Variants in BMPR2 observed in about 807,000 individuals in gnomAD.
BMPR2 encodes bone morphogenetic protein receptor type-2.
In BMPR2, 29 loss-of-function variants were observed where a neutral mutation model predicts 100.8. The ratio of observed to expected loss-of-function variants is 0.29; its 90% CI spans 0.21 to 0.39. BMPR2 has a LOEUF of 0.39. Ranked by LOEUF, BMPR2 falls within the 10% of genes least tolerant of loss-of-function variation. The pLI, the probability that BMPR2 is intolerant of heterozygous loss-of-function variation, is 1.00. For synonymous variants in BMPR2, 382 were observed against 442.3 expected (o/e 0.86, Z 1.71); for missense variants, 1,011 against 1,274.5 (o/e 0.79, Z 3.15).
intron 1 of BMPR2, among the ~76,000 whole-genome samples, chr2:202,457,569 G>T (rs776360403): frequency 0.03 from 3,570 of 118,574 alleles, 62 homozygotes; most frequent in Non-Finnish European, 0.043. Flanking sequence ...TATAGAGAGA[G>T]AGAGAGAGAG....
chr2:202,456,110 A>G (rs1351063439), intron 1 of BMPR2, among the ~76,000 whole-genome samples: 3 of 137,170 alleles, frequency 2.2e-5, no homozygotes, highest in African/African-American at 8.0e-5. Context: ...AAAGTTAAGT[A>G]GTATTGCTAA....
chr2:202,388,820 G>A (rs1690488240), intron 1 of BMPR2, among the ~76,000 whole-genome samples: 1 of 151,158 alleles, frequency 6.6e-6, no homozygotes, highest in African/African-American at 2.4e-5. Flanking sequence ...TTTAGTCTTA[G>A]GTTTTTACTG....
At chr2:202,543,202 A>G (rs1465663284) in intron 10 of BMPR2, among the ~76,000 whole-genome samples, 1 of 146,960 alleles carries the variant, frequency 6.8e-6, no homozygotes, top group East Asian at 1.9e-4. Flanking sequence ...ATATATATAT[A>G]TATTTATATA....
intron 12 of BMPR2, among the ~76,000 whole-genome samples, chr2:202,558,439 TG>T (rs951889020): frequency 6.6e-6 from 1 of 152,086 alleles, no homozygotes; most frequent in African/African-American, 2.4e-5. Context: ...AAGGCATTTA[TG>T]AAAAAAAGTT....
In BMPR2 at chr2:202,552,702, ACTTTGT is replaced by A; in HGVS notation, c.1414-10_1414-5del. ...TTTAAAGACACATGGTTTGACATGTACTTTGTCTTACAGGCAGTGAGGTCACTCAAG... is the reference window on the plus strand; with the variant it reads ...TTTAAAGACACATGGTTTGACATGTACTTACAGGCAGTGAGGTCACTCAAG... On this transcript the variant is annotated splice_region_variant and splice_polypyrimidine_tract_variant and intron_variant, in intron 10 of 12. Transcript: ENST00000374580. 6.2e-7 allele frequency: 1 copy of A among 1,613,920 alleles called. No homozygotes were observed. The highest frequency in any genetic ancestry group is 8.5e-7 in the Non-Finnish European group (1 of 1,179,848).
intron 1 of BMPR2, among the ~76,000 whole-genome samples, chr2:202,387,321 A>G (rs1690449264): frequency 6.6e-6 from 1 of 152,228 alleles, no homozygotes; most frequent in South Asian, 2.1e-4. Flanking sequence ...ACTAATACTA[A>G]GGGCCTTACA....
intron 9 of BMPR2, among the ~76,000 whole-genome samples, chr2:202,539,365 G>T (rs1232089969): frequency 6.6e-6 from 1 of 152,064 alleles, no homozygotes; most frequent in African/African-American, 2.4e-5. Context: ...GTTACAGAGT[G>T]TATATAGGAG....
intron 3 of BMPR2, among the ~76,000 whole-genome samples, chr2:202,491,791 T>C (rs1692907646): frequency 6.6e-6 from 1 of 152,220 alleles, no homozygotes; most frequent in African/African-American, 2.4e-5. Context: ...ATGTACAGCC[T>C]ATTTGTCTGC....
At chr2:202,449,670 C>T (rs1037499626) in intron 1 of BMPR2, among the ~76,000 whole-genome samples, 1 of 152,176 alleles carries the variant, frequency 6.6e-6, no homozygotes, top group African/African-American at 2.4e-5. Context: ...TGTCACAATT[C>T]ACTGCTAGAG....
intron 6 of BMPR2, among the ~76,000 whole-genome samples, chr2:202,519,440 G>A (rs1354569577): frequency 6.6e-5 from 10 of 152,232 alleles, no homozygotes; most frequent in Non-Finnish European, 8.8e-5. Flanking sequence ...ATTACAGATA[G>A]AGCATTGCTG....
chr2:202,522,506 CAA>C (rs770945860), intron 7 of BMPR2, among the ~76,000 whole-genome samples: 19 of 107,490 alleles, frequency 1.8e-4, no homozygotes, highest in Non-Finnish European at 2.4e-4. Flanking sequence ...GACTCCCTCT[CAA>C]AAAAAAAAAA....
intron 1 of BMPR2, among the ~76,000 whole-genome samples, chr2:202,384,336 G>A (rs748022799): frequency 1.3e-5 from 2 of 152,160 alleles, no homozygotes; most frequent in Admixed American, 6.5e-5. Context: ...AATCATTCAC[G>A]TCTTAAATGT....
At chr2:202,422,043 G>A (rs1691273974) in intron 1 of BMPR2, among the ~76,000 whole-genome samples, 1 of 151,964 alleles carries the variant, frequency 6.6e-6, no homozygotes, top group Non-Finnish European at 1.5e-5. Context: ...CAAGTAGCTG[G>A]GATAACAGGC....
At chr2:202,417,880 G>A (rs1008236383) in intron 1 of BMPR2, among the ~76,000 whole-genome samples, 5 of 151,742 alleles carry the variant, frequency 3.3e-5, no homozygotes, top group African/African-American at 9.7e-5. Context: ...CACCACGCCC[G>A]GCTAATTTTT....
chr2:202,486,449 C>T (rs1275110024), intron 3 of BMPR2, among the ~76,000 whole-genome samples: 1 of 151,758 alleles, frequency 6.6e-6, no homozygotes, highest in Non-Finnish European at 1.5e-5. Context: ...GCCAACATGG[C>T]GAAACCCCAT....
intron 5 of BMPR2, among the ~76,000 whole-genome samples, chr2:202,516,832 T>G (rs188564992): frequency 1.4e-4 from 22 of 152,310 alleles, no homozygotes; most frequent in African/African-American, 5.3e-4. Context: ...TATATTGATA[T>G]AACCTTTTTA....
At chr2:202,411,303 A>G (rs749334516) in intron 1 of BMPR2, among the ~76,000 whole-genome samples, 2 of 152,248 alleles carry the variant, frequency 1.3e-5, no homozygotes, top group Non-Finnish European at 2.9e-5. Context: ...TTTTATTAGC[A>G]ATTCATGAAT....
Position 202,503,820 on chromosome 2 carries a change from G to A in BMPR2, c.419-9899G>A, listed in dbSNP as rs1687459407. ...CCAGGTGTGGGATCCACTGGGTGAA[G>A]CCAGCTGGGCTCCTGAGTCTGGTGG... On this transcript the variant is annotated intron_variant, in intron 3 of 12. Coordinates refer to ENST00000374580, the MANE Select transcript of BMPR2 (RefSeq NM_001204.7). This position sits in a 1 kb window ranked among gnomAD's most constrained non-coding sequence, Gnocchi z 4.0. Among the ~76,000 whole-genome samples, 2 of 152,364 alleles carry A rather than the reference G, an allele frequency of 1.3e-5. No individual in the cohort carries two copies. The highest frequency in any genetic ancestry group is 4.1e-4 in the South Asian group (2 of 4,830).
intron 1 of BMPR2, among the ~76,000 whole-genome samples, chr2:202,423,555 A>G (rs939684918): frequency 7.9e-5 from 12 of 152,160 alleles, no homozygotes; most frequent in Non-Finnish European, 7.4e-5. Context: ...GTTCAAGATC[A>G]GCCTAGGCAC....
Sources: allele counts gnomAD v4.1 joint callset (sites outside exome capture counted in the v4.1 genomes callset), GRCh38; gene constraint gnomAD v4.1.1; non-coding constraint Gnocchi (gnomAD v3.1); transcripts MANE v1.5; gene names NCBI Gene and HGNC (gene_info 2026-07-23, HGNC 2026-07-21).